TMTC2: variants seen among roughly 807,000 people sequenced by gnomAD.
TMTC2 encodes transmembrane O-mannosyltransferase targeting cadherins 2, also known as protein O-mannosyl-transferase TMTC2.
In TMTC2, 43 loss-of-function variants were observed where a neutral mutation model predicts 82.4. That is an observed-to-expected ratio of 0.52 (90% CI 0.41 to 0.67). TMTC2 has a LOEUF of 0.67. Ranked by LOEUF, TMTC2 falls within the 30% of genes least tolerant of loss-of-function variation. The probability of loss-of-function intolerance (pLI) is 0.00; values close to 1 mark genes in which losing one functional copy is unlikely to be tolerated. For synonymous variants in TMTC2, 408 were observed against 381.9 expected, an observed-to-expected ratio of 1.07 and a Z score of -0.80; for missense variants, 919 against 1,012.4, an observed-to-expected ratio of 0.91 and a Z score of 1.25.
At chr12:82,984,397 A>T (rs1156420626) in intron 7 of TMTC2, among the ~76,000 whole-genome samples, 1 of 152,302 alleles carries the variant, frequency 6.6e-6, no homozygotes, top group South Asian at 2.1e-4. Context: ...CATTCAAAAG[A>T]TCAAGAGACT....
intron 3 of TMTC2, among the ~76,000 whole-genome samples, chr12:82,917,628 G>C (rs1412707220): frequency 6.6e-6 from 1 of 151,912 alleles, no homozygotes; most frequent in Non-Finnish European, 1.5e-5. Context: ...TAGAGACAGA[G>C]TCTCACTCTG....
intron 1 of TMTC2, among the ~76,000 whole-genome samples, chr12:82,842,085 A>G (rs1182984297): frequency 1.3e-5 from 2 of 152,216 alleles, no homozygotes; most frequent in Admixed American, 6.5e-5. Context: ...GTGGAGGAAC[A>G]CAGGCTGCTT....
intron 4 of TMTC2, among the ~76,000 whole-genome samples, chr12:82,958,261 A>G (rs550193388): frequency 6.7e-6 from 1 of 149,562 alleles, no homozygotes; most frequent in Non-Finnish European, 1.5e-5. Flanking sequence ...CTACTGAGGC[A>G]GGAGAATCGC....
intron 4 of TMTC2, among the ~76,000 whole-genome samples, chr12:82,959,687 A>G (rs1877813761): frequency 6.6e-6 from 1 of 152,138 alleles, no homozygotes; most frequent in Admixed American, 6.6e-5. Context: ...GATGGATTAA[A>G]GATTTAAGTG....
intron 1 of TMTC2, among the ~76,000 whole-genome samples, chr12:82,798,807 C>CAA (rs544522111): frequency 5.7e-5 from 5 of 88,364 alleles, no homozygotes; most frequent in Admixed American, 1.2e-4. Context: ...AACTCCGTCT[C>CAA]AAAAAAAAAA....
At chr12:82,932,625 C>A (rs1460554885) in intron 4 of TMTC2, among the ~76,000 whole-genome samples, 1 of 151,960 alleles carries the variant, frequency 6.6e-6, no homozygotes, top group Non-Finnish European at 1.5e-5. Flanking sequence ...AATGTATTCA[C>A]ACATATGTTC....
intron 3 of TMTC2, among the ~76,000 whole-genome samples, chr12:82,917,057 G>GA: frequency 6.6e-6 from 1 of 152,120 alleles, no homozygotes; most frequent in East Asian, 1.9e-4. Context: ...GCTTACAAAG[G>GA]CTCTTATTTC....
At chr12:82,735,902 G>A (rs915056313) in intron 1 of TMTC2, among the ~76,000 whole-genome samples, 1 of 151,992 alleles carries the variant, frequency 6.6e-6, no homozygotes, top group South Asian at 2.1e-4. Context: ...GAACCCGGGA[G>A]GCATAGGTTG....
chr12:82,896,794 A>G lies in TMTC2; in HGVS notation c.1483+148A>G, dbSNP rs988305986. ...TTTCATTCTTTTTATTTTTTTAAAG[A>G]GATATGCCATATAACCAATTTAGAG... is the stretch of plus-strand genomic sequence containing the variant. On this transcript the variant is annotated intron_variant, in intron 3 of 11. Coordinates refer to ENST00000321196, the MANE Select transcript of TMTC2 (RefSeq NM_152588.3). 4.9e-6 allele frequency: 3 copies of G among 606,384 alleles called. No individual in the cohort carries two copies. The Admixed American group carries it at 1.0e-4, about 21-fold the overall frequency. 37.6% of individuals were successfully genotyped at this position (606,384 alleles called of 1,614,324 possible).
rs1400779316 is a variant in TMTC2 at position 83,103,962 on chromosome 12, C to CA, written c.2332-28241dup. Among the ~76,000 whole-genome samples, 4 of 152,232 alleles carry CA rather than the reference C, an allele frequency of 2.6e-5. No homozygotes were observed. In the South Asian group the frequency reaches 8.3e-4, roughly 32 times the overall value. ...AGGCATTGCGTAAACATTCCCATTC[C>CA]AAAAAAAGAGAACTCAGTCAAATGA... is the stretch of plus-strand genomic sequence containing the variant. On this transcript the variant is annotated intron_variant, in intron 11 of 11. Coordinates refer to ENST00000321196, the MANE Select transcript of TMTC2 (RefSeq NM_152588.3).
intron 1 of TMTC2, among the ~76,000 whole-genome samples, chr12:82,704,711 C>T (rs1873260053): frequency 6.6e-6 from 1 of 150,434 alleles, no homozygotes; most frequent in Admixed American, 6.6e-5. Flanking sequence ...AGTTTTGTTC[C>T]AGGAAATTAC....
chr12:82,781,747 GTT>G (rs1481993916), intron 1 of TMTC2, among the ~76,000 whole-genome samples: 3 of 149,480 alleles, frequency 2.0e-5, no homozygotes, highest in African/African-American at 7.4e-5. Flanking sequence ...CGGCTTAGAG[GTT>G]TTAATGCTGC....
chr12:83,118,008 A>G (rs562291267), intron 11 of TMTC2, among the ~76,000 whole-genome samples: 4 of 152,236 alleles, frequency 2.6e-5, no homozygotes, highest in South Asian at 2.1e-4. Context: ...TGATTTGTGT[A>G]CATTAATTTT....
chr12:82,766,504 TCTTCA>T (rs992183239), intron 1 of TMTC2, among the ~76,000 whole-genome samples: 34 of 152,204 alleles, frequency 2.2e-4, no homozygotes, highest in African/African-American at 8.0e-4. Flanking sequence ...TGTCTTAGCT[TCTTCA>T]CTTCACTTCC....
intron 2 of TMTC2, among the ~76,000 whole-genome samples, chr12:82,881,077 C>A (rs1872804308): frequency 6.6e-6 from 1 of 152,040 alleles, no homozygotes. Context: ...GATTTTAACA[C>A]AACCTGAAAT....
intron 9 of TMTC2, among the ~76,000 whole-genome samples, chr12:83,038,194 G>A (rs1881744457): frequency 6.6e-6 from 1 of 150,670 alleles, no homozygotes; most frequent in Non-Finnish European, 1.5e-5. Flanking sequence ...GTTAAATGAC[G>A]AGTTAATGGG....
At chr12:82,777,751 T>C (rs75138138) in intron 1 of TMTC2, among the ~76,000 whole-genome samples, 1 of 152,310 alleles carries the variant, frequency 6.6e-6, no homozygotes, top group East Asian at 1.9e-4. Flanking sequence ...GCATCTCTCT[T>C]TATACTAGCT....
intron 1 of TMTC2, among the ~76,000 whole-genome samples, chr12:82,811,124 G>A (rs1868369364): frequency 1.3e-5 from 2 of 152,092 alleles, no homozygotes; most frequent in South Asian, 4.1e-4. Flanking sequence ...TACTTGGGAG[G>A]CTGAGGCAGG....
chr12:82,762,313 C>G (rs998507668), intron 1 of TMTC2, among the ~76,000 whole-genome samples: 3 of 152,052 alleles, frequency 2.0e-5, no homozygotes, highest in African/African-American at 7.2e-5. Flanking sequence ...TGGCACATTG[C>G]TGGGCATCAT....
Sources: allele counts gnomAD v4.1 joint callset (sites outside exome capture counted in the v4.1 genomes callset), GRCh38; gene constraint gnomAD v4.1.1; transcripts MANE v1.5; gene names NCBI Gene and HGNC (gene_info 2026-07-23, HGNC 2026-07-21).